SLC28A3: variants seen among roughly 807,000 people sequenced by gnomAD.
The protein encoded by SLC28A3 is concentrative Na(+)-nucleoside cotransporter 3.
SLC28A3 carries 68 observed loss-of-function variants against 84.2 expected under a neutral mutation model. That is an observed-to-expected ratio of 0.81 (90% CI 0.66 to 0.99). The LOEUF (loss-of-function observed/expected upper bound fraction) is 0.99. Ranked by LOEUF, SLC28A3 falls within the 50% of genes least tolerant of loss-of-function variation. The probability of loss-of-function intolerance (pLI) is 0.00; values close to 1 mark genes in which losing one functional copy is unlikely to be tolerated. For synonymous variants in SLC28A3, 267 were observed against 303.6 expected (o/e 0.88, Z 1.25); for missense variants, 712 against 841.5 (o/e 0.85, Z 1.90).
chr9:84,310,768 A>T (rs753336926), intron 2 of SLC28A3, among the ~76,000 whole-genome samples: 1 of 152,208 alleles, frequency 6.6e-6, no homozygotes, highest in Admixed American at 6.5e-5. Flanking sequence ...AGACCAGCTG[A>T]GTCCAAGCTG....
intron 1 of SLC28A3, among the ~76,000 whole-genome samples, chr9:84,318,591 G>A (rs7035320): frequency 0.11 from 16,063 of 152,164 alleles, 1,144 homozygotes; most frequent in East Asian, 0.36. Context: ...TTTCCAGGCC[G>A]GGCGTGGTGA....
the SLC28A3 span, among the ~76,000 whole-genome samples, chr9:84,365,195 C>A: frequency 1.1e-4 from 17 of 152,134 alleles, no homozygotes; most frequent in Non-Finnish European, 1.9e-4. Flanking sequence ...TATTGCCTGT[C>A]TTTGGATATA....
At chr9:84,279,534 C>T (rs954082482) in intron 16 of SLC28A3, 149 bp from the exon 17 acceptor site, 68 of 510,620 alleles carry the variant, frequency 1.3e-4, no homozygotes, top group African/African-American at 1.1e-3. Context: ...CTCTGCCTCC[C>T]GGGTTCAAGC....
chr9:84,279,974 C>A lies in SLC28A3; in HGVS notation c.1828+1G>T. ...GGGACACAAAGGACAGGGTGCGGTA[C>A]CTGCGATGCAGGCTGTCATGAAGCA... On this transcript the variant is annotated splice_donor_variant, in intron 16 of 17. Transcript: ENST00000376238. LOFTEE classifies it high-confidence loss of function. The A allele has an allele frequency of 5.0e-6, 8 of 1,613,664 alleles. No individual in the cohort carries two copies. Among genetic ancestry groups the A allele is most frequent in the Non-Finnish European group, 6.8e-6 (8 of 1,179,920 alleles).
At chr9:84,365,481 G>C in the SLC28A3 span, among the ~76,000 whole-genome samples, 11,712 of 151,962 alleles carry the variant, frequency 0.077, 792 homozygotes, top group African/African-American at 0.17. Flanking sequence ...TTCCTTTGCT[G>C]TGCAGAAGTT....
chr9:84,297,069 T>C (rs1209153549), intron 8 of SLC28A3, 152 bp downstream of exon 8: 1 of 552,594 alleles, frequency 1.8e-6, no homozygotes. Flanking sequence ...GATAACATTG[T>C]CAGTGGAAAA....
At chr9:84,298,313 C>A (rs961752822) in intron 6 of SLC28A3, among the ~76,000 whole-genome samples, 2 of 152,096 alleles carry the variant, frequency 1.3e-5, no homozygotes, top group East Asian at 3.9e-4. Flanking sequence ...ATGGCAAAAC[C>A]CCATCTCTAC....
chr9:84,365,114 CTG>C, the SLC28A3 span, among the ~76,000 whole-genome samples: 1 of 152,314 alleles, frequency 6.6e-6, no homozygotes, highest in South Asian at 2.1e-4. Flanking sequence ...TCCAGAGTGT[CTG>C]TACTAATTTA....
rs761056097 is a variant in SLC28A3 at position 84,280,061 on chromosome 9, G to C, written c.1742C>G (p.Pro581Arg). The C allele has an allele frequency of 6.2e-7, 1 of 1,613,772 alleles. No individual in the cohort carries two copies. The highest frequency in any genetic ancestry group is 8.5e-7 in the Non-Finnish European group (1 of 1,179,946). Residue 581 changes from proline (P) to arginine (R), a missense_variant, in exon 16 of 18, where the codon CCT (proline) becomes CGT (arginine). Coordinates refer to ENST00000376238, the MANE Select transcript of SLC28A3 (RefSeq NM_001199633.2). ...IVIGGLTSMAPSRKRDIASGA... is the reference protein window; with the variant it reads ...IVIGGLTSMARSRKRDIASGA... ...CGAGGCGATATCACGCTTTCTGGAA[G>C]GAGCCATGGATGCTGGGAAACATGG...
intron 14 of SLC28A3, among the ~76,000 whole-genome samples, chr9:84,283,609 A>G (rs1186737938): frequency 6.6e-6 from 1 of 152,210 alleles, no homozygotes; most frequent in Non-Finnish European, 1.5e-5. Context: ...ATACTATGGT[A>G]TGTGTTACAT....
Position 84,285,456 on chromosome 9 carries a change from A to G in SLC28A3, c.1536T>C (p.Gly512=). The G allele has an allele frequency of 1.2e-6, 2 of 1,614,204 alleles. No homozygotes were observed. The highest frequency in any genetic ancestry group is 2.2e-5 in the South Asian group (2 of 91,082). The change falls in exon 14 of 18, where the codon GGT becomes GGC. Residue 512 remains glycine (G), a synonymous_variant. Coordinates refer to ENST00000376238, the MANE Select transcript of SLC28A3 (RefSeq NM_001199633.2). ...CAAATTCATTGAAGAAGGTCTTATA[A>G]CCTATGAGTCTGGCAACCATAAAGC... is the stretch of plus-strand genomic sequence containing the variant. ...QDSFMVARLI[G]YKTFFNEFVA... is the part of the protein sequence containing the mutation.
At chr9:84,291,991 A>C (rs1260724095) in intron 10 of SLC28A3, among the ~76,000 whole-genome samples, 1 of 152,204 alleles carries the variant, frequency 6.6e-6, no homozygotes, top group African/African-American at 2.4e-5. Context: ...TCTCCATGTG[A>C]TGGAACAGGG....
At position 84,313,449 on chromosome 9, in the gene SLC28A3, T is replaced by C. The variant is rs756686682; in HGVS notation, c.66A>G (p.Glu22=). Residue 22 remains glutamate (E), a synonymous_variant, in exon 2 of 18, where the codon GAA becomes GAG. Transcript: ENST00000376238. ...EGYSNVGFQN[E]ENFLENENTS... Reference sequence around the variant, plus strand: ...TGTTCTCGTTCTCAAGAAAGTTTTCTTCATTCTAAGAAAAAAGTGCAGATT... The same window carrying C: ...TGTTCTCGTTCTCAAGAAAGTTTTCCTCATTCTAAGAAAAAAGTGCAGATT... 3.7e-6 allele frequency: 6 copies of C among 1,613,574 alleles called. No individual in the cohort carries two copies. The highest frequency in any genetic ancestry group is 5.1e-6 in the Non-Finnish European group (6 of 1,179,840).
In SLC28A3 at chr9:84,284,803, C is replaced by T. The variant is rs1355006969; in HGVS notation, c.1647+542G>A. Among the ~76,000 whole-genome samples the T allele has an allele frequency of 2.0e-5, 3 of 152,180 alleles. No homozygotes were observed. In the East Asian group the frequency reaches 5.8e-4, roughly 29 times the overall value. On this transcript the variant is annotated intron_variant, in intron 14 of 17. Transcript: ENST00000376238. ...GGCTTTCAGATCACAGACTCTGAGC[C>T]TTTTCTCTCCCTCATCCACGTGGAG...
chr9:84,335,710 T>C (rs1345203053), intron 1 of SLC28A3, among the ~76,000 whole-genome samples: 2 of 120,606 alleles, frequency 1.7e-5, no homozygotes, highest in Admixed American at 8.4e-5. Flanking sequence ...AGTATGTATA[T>C]ACGTGTGTGT....
intron 1 of SLC28A3, among the ~76,000 whole-genome samples, chr9:84,340,287 A>G (rs184936791): frequency 6.6e-6 from 1 of 152,292 alleles, no homozygotes; most frequent in East Asian, 1.9e-4. Context: ...GTGCCTGAAG[A>G]TAAATAATGG....
At chr9:84,367,229 A>G in the SLC28A3 span, among the ~76,000 whole-genome samples, 2 of 152,092 alleles carry the variant, frequency 1.3e-5, no homozygotes, top group Non-Finnish European at 2.9e-5. Flanking sequence ...TTAAGGCCCA[A>G]AGTCTCTTAA....
At position 84,288,126 on chromosome 9, in the gene SLC28A3, A is replaced by G; in HGVS notation, c.1202T>C (p.Leu401Ser). Residue 401 changes from leucine (L) to serine (S), a missense_variant, in exon 12 of 18, where the codon TTG becomes TCG. Transcript: ENST00000376238. The part of the protein sequence containing the change: ...TASVMSAPAS[L>S]AAAKLFWPET... ...AGGCCAAAAGAGTTTAGCAGCAGCCAATGACGCAGGTGCTGACATAACTGA... is the reference window on the plus strand; with the variant it reads ...AGGCCAAAAGAGTTTAGCAGCAGCCGATGACGCAGGTGCTGACATAACTGA... 1 of 1,614,142 alleles carries G rather than the reference A, an allele frequency of 6.2e-7. No individual in the cohort carries two copies. The highest frequency in any genetic ancestry group is 1.1e-5 in the South Asian group (1 of 91,078).
the SLC28A3 span, among the ~76,000 whole-genome samples, chr9:84,364,752 A>T: frequency 2.6e-5 from 4 of 152,142 alleles, no homozygotes; most frequent in Admixed American, 2.0e-4. Context: ...GATTCCACAA[A>T]TAAGTGATAA....
Sources: allele counts gnomAD v4.1 joint callset (sites outside exome capture counted in the v4.1 genomes callset), GRCh38; gene constraint gnomAD v4.1.1; transcripts MANE v1.5; gene names NCBI Gene and HGNC (gene_info 2026-07-23, HGNC 2026-07-21).